Variants in CLPTM1 observed in about 807,000 individuals in gnomAD.
The protein encoded by CLPTM1 is CLPTM1 regulator of GABA type A receptor forward trafficking.
A neutral mutation model predicts 77.3 loss-of-function variants in CLPTM1; 21 were observed. The ratio of observed to expected loss-of-function variants is 0.27; its 90% CI spans 0.19 to 0.39. The LOEUF (loss-of-function observed/expected upper bound fraction) is 0.39, where lower values mean the gene tolerates loss of function less well. Among genes scored for constraint, CLPTM1 ranks in the 10% least tolerant of loss-of-function variants. CLPTM1 has a pLI of 1.00. For synonymous variants in CLPTM1, 373 were observed against 381.0 expected, an observed-to-expected ratio of 0.98 and a Z score of 0.24; for missense variants, 642 against 921.2, an observed-to-expected ratio of 0.70 and a Z score of 3.92.
upstream of CLPTM1, chr19:44,954,978 A>G (rs41334244): frequency 0.048 from 73,837 of 1,535,368 alleles, 2,137 homozygotes; most frequent in African/African-American, 0.12. Flanking sequence ...CGTGGTTCGA[A>G]GCCGTACAGT....
chr19:44,980,494 G>A (rs1215096491), intron 5 of CLPTM1, among the ~76,000 whole-genome samples: 1 of 126,754 alleles, frequency 7.9e-6, no homozygotes, highest in Non-Finnish European at 1.6e-5. Flanking sequence ...GGGCGACAGA[G>A]CAAGACTCCA....
In CLPTM1 at chr19:44,988,127, C is replaced by T. The variant is rs769758877; in HGVS notation, c.1086C>T (p.Ile362=). Residue 362 remains isoleucine (I), a synonymous_variant, in exon 9 of 14, where the codon ATC becomes ATT. Transcript: ENST00000337392. ...TNPYLLALTI[I]VSIVHSVFEF... ...CCTACCTGCTGGCGCTCACCATCATCGTGTCTATCGTTCACAGTGTCTTCG... is the reference window on the plus strand; with the variant it reads ...CCTACCTGCTGGCGCTCACCATCATTGTGTCTATCGTTCACAGTGTCTTCG... The T allele has an allele frequency of 3.7e-6, 6 of 1,614,052 alleles. No homozygotes were observed. The highest frequency in any genetic ancestry group is 2.7e-5 in the African/African-American group (2 of 74,936).
At chr19:44,973,769 T>TTTTTTG (rs2122281514) in intron 3 of CLPTM1, among the ~76,000 whole-genome samples, 1 of 134,848 alleles carries the variant, frequency 7.4e-6, no homozygotes, top group East Asian at 2.2e-4. Flanking sequence ...GGGTTTTTTT[T>TTTTTTG]TTTTTTTTTT....
At chr19:44,961,464 C>G (rs1180654200) in intron 1 of CLPTM1, among the ~76,000 whole-genome samples, 1 of 152,230 alleles carries the variant, frequency 6.6e-6, no homozygotes, top group African/African-American at 2.4e-5. Flanking sequence ...GCTCCAGCCC[C>G]AGGGAACAGT....
chr19:44,977,598 G>A (rs1220634477), intron 5 of CLPTM1, 138 bp downstream of exon 5: 2 of 719,322 alleles, frequency 2.8e-6, no homozygotes, highest in Non-Finnish European at 4.7e-6. Flanking sequence ...GGGATTGGCA[G>A]GGCAGGCTCA....
Position 44,993,141 on chromosome 19 carries a change from C to T in CLPTM1, c.*244C>T, listed in dbSNP as rs1458603442. Reference sequence around the variant, plus strand: ...GCCATCTCGCCCTGCCAGCCCAGCACCACTGGGAATCATGGTGAAGCTGAT... The same window carrying T: ...GCCATCTCGCCCTGCCAGCCCAGCATCACTGGGAATCATGGTGAAGCTGAT... On this transcript the variant is annotated 3_prime_UTR_variant, in exon 14 of 14. Transcript: ENST00000337392. 4.9e-6 allele frequency: 3 copies of T among 616,760 alleles called. No homozygotes were observed. Among genetic ancestry groups the T allele is most frequent in the East Asian group, 3.3e-5 (1 of 29,912 alleles). 38.2% of individuals were successfully genotyped at this position (616,760 alleles called of 1,614,324 possible).
At chr19:44,975,731 T>A (rs112963896) in intron 4 of CLPTM1, among the ~76,000 whole-genome samples, 198 of 152,190 alleles carry the variant, frequency 1.3e-3, no homozygotes, top group African/African-American at 3.8e-3. Flanking sequence ...CCCAGCTAAT[T>A]TTTTTATTTT....
chr19:44,976,209 CCCA>C (rs1255980707), intron 4 of CLPTM1, among the ~76,000 whole-genome samples: 1 of 152,190 alleles, frequency 6.6e-6, no homozygotes, highest in Non-Finnish European at 1.5e-5. Flanking sequence ...AAGCCCAGCC[CCCA>C]GGCCTTGCCA....
upstream of CLPTM1, chr19:44,955,087 C>A (rs1258106691): frequency 6.5e-7 from 1 of 1,535,522 alleles, no homozygotes; most frequent in African/African-American, 1.4e-5. Context: ...ACCGAAAAGG[C>A]GGGTTAATGT....
In CLPTM1 at chr19:44,977,426, G is replaced by A. The variant is rs199882879; in HGVS notation, c.552G>A (p.Leu184=). 3 of 1,608,822 alleles carry A rather than the reference G, an allele frequency of 1.9e-6. No individual in the cohort carries two copies. The highest frequency in any genetic ancestry group is 2.5e-6 in the Non-Finnish European group (3 of 1,179,900). ...ACCCAGACCCCCGGCAGAAGGCCCT[G>A]TACCGCCGGCTTGCCACAGTCCACA... is the stretch of plus-strand genomic sequence containing the variant. ...GFHPDPRQKA[L]YRRLATVHMS... The change falls in exon 5 of 14, where the codon CTG becomes CTA. Residue 184 remains leucine, a synonymous_variant. Transcript: ENST00000337392.
chr19:44,962,755 C>A (rs868655959), intron 2 of CLPTM1, among the ~76,000 whole-genome samples: 2 of 151,996 alleles, frequency 1.3e-5, no homozygotes, highest in East Asian at 3.9e-4. Context: ...CATAGTAAGA[C>A]CCTGTCTCTA....
At position 44,992,315 on chromosome 19, in the gene CLPTM1, C is replaced by T; in HGVS notation, c.1638C>T (p.Tyr546=). The part of the protein sequence containing the change: ...VAHLPWRMLT[Y]KALNTFIDDL... Reference sequence around the variant, plus strand: ...ACCTTCCCTGGCGCATGCTCACCTACAAGGCCCTCAACACATTCATCGACG... The same window carrying T: ...ACCTTCCCTGGCGCATGCTCACCTATAAGGCCCTCAACACATTCATCGACG... The change falls in exon 13 of 14, where the codon TAC becomes TAT. Residue 546 remains tyrosine (Y), a synonymous_variant. Transcript: ENST00000337392. The surrounding 1 kb of genome is among the most constrained non-coding windows in gnomAD (Gnocchi z 7.7). 1 of 1,614,180 alleles carries T rather than the reference C, an allele frequency of 6.2e-7. No individual in the cohort carries two copies. Among genetic ancestry groups the T allele is most frequent in the Non-Finnish European group, 8.5e-7 (1 of 1,180,000 alleles).
chr19:44,967,582 G>C (rs996708005), intron 2 of CLPTM1, among the ~76,000 whole-genome samples: 1 of 151,880 alleles, frequency 6.6e-6, no homozygotes, highest in Non-Finnish European at 1.5e-5. Context: ...GCTTGAACCC[G>C]GGAGGCGGAG....
At chr19:44,974,641 G>T (rs1568385218) in intron 4 of CLPTM1, 44 bp downstream of exon 4, 3 of 1,479,748 alleles carry the variant, frequency 2.0e-6, no homozygotes, top group African/African-American at 2.5e-5. Context: ...TGCTTGACTG[G>T]CACTGAAGGA....
At chr19:44,974,153 A>C (rs1167263275) in intron 3 of CLPTM1, among the ~76,000 whole-genome samples, 1 of 151,910 alleles carries the variant, frequency 6.6e-6, no homozygotes, top group Non-Finnish European at 1.5e-5. Flanking sequence ...AGGGCAGGAG[A>C]TCATTCAGGG....
Position 44,990,051 on chromosome 19 carries a change from C to T in CLPTM1, c.1133-344C>T, listed in dbSNP as rs1272843962. The stretch of plus-strand genomic sequence containing the variant: ...GATTCTGCCATGCCAGGCTGTTTGG[C>T]CTCAGGGAAGCAGCTTCCCTGACCA... On this transcript the variant is annotated intron_variant, in intron 9 of 13. Transcript: ENST00000337392. The surrounding 1 kb of genome is among the most constrained non-coding windows in gnomAD (Gnocchi z 4.8). 4 of 272,674 alleles carry T rather than the reference C, an allele frequency of 1.5e-5. No homozygotes were observed. Among genetic ancestry groups the T allele is most frequent in the African/African-American group, 2.2e-5 (1 of 45,758 alleles). The allele number at this position is 272,674 out of a possible 1,614,324, so 16.9% of individuals were successfully genotyped here. A position where few individuals can be genotyped will look rare whatever the true frequency, so the allele number is the denominator to read the frequency against.
chr19:44,964,239 C>T (rs918227387), intron 2 of CLPTM1, among the ~76,000 whole-genome samples: 4 of 148,542 alleles, frequency 2.7e-5, no homozygotes, highest in African/African-American at 9.9e-5. Context: ...AGACATGATT[C>T]AGCCCACATC....
At chr19:44,971,501 C>A (rs1355178831) in intron 2 of CLPTM1, among the ~76,000 whole-genome samples, 1 of 152,128 alleles carries the variant, frequency 6.6e-6, no homozygotes, top group Non-Finnish European at 1.5e-5. Context: ...AGAAATGTTG[C>A]TCTTTCTAAG....
In CLPTM1 at chr19:44,990,635, G is replaced by T. The variant is rs1211525403; in HGVS notation, c.1323+50G>T. The T allele has an allele frequency of 1.3e-5, 21 of 1,591,624 alleles. No individual in the cohort carries two copies. Among genetic ancestry groups the T allele is most frequent in the Non-Finnish European group, 1.8e-5 (21 of 1,164,510 alleles). On this transcript the variant is annotated intron_variant, in intron 10 of 13. Coordinates refer to ENST00000337392, the MANE Select transcript of CLPTM1 (RefSeq NM_001294.4). This position sits in a 1 kb window ranked among gnomAD's most constrained non-coding sequence, Gnocchi z 4.8. ...TCGGGAGCTGCAGGGGTTGGGAGGG[G>T]GTAGTGTGGCCCAGCTGGACCCTGG...
Sources: gnomAD v4.1 joint callset for allele counts (sites outside exome capture counted in the v4.1 genomes callset) on GRCh38, gnomAD v4.1.1 for gene constraint, Gnocchi (gnomAD v3.1) non-coding constraint, MANE v1.5 for transcripts, NCBI Gene and HGNC (gene_info 2026-07-23, HGNC 2026-07-21) for gene names.